FAM227A: variants seen among roughly 807,000 people sequenced by gnomAD.
The protein encoded by FAM227A is protein FAM227A.
Under a neutral mutation model 74.7 loss-of-function variants are expected in FAM227A, and 80 were observed. The ratio of observed to expected loss-of-function variants is 1.07; its 90% CI spans 0.89 to 1.29. The LOEUF (loss-of-function observed/expected upper bound fraction) is 1.29, where lower values mean the gene tolerates loss of function less well. Among genes scored for constraint, FAM227A ranks in the 50% most tolerant of loss-of-function variants. The pLI is 0.00. For missense variants in FAM227A, 654 were observed against 683.4 expected (o/e 0.96, Z 0.48); for synonymous variants, 237 against 241.8 (o/e 0.98, Z 0.19).
At chr22:38,629,559 G>A (rs1266982372) in intron 6 of FAM227A, among the ~76,000 whole-genome samples, 6 of 152,272 alleles carry the variant, frequency 3.9e-5, no homozygotes, top group Non-Finnish European at 8.8e-5. Flanking sequence ...CTACTGTATA[G>A]AAGAGGAAAG....
rs1216284490 is a variant in FAM227A, at chr22:38,580,855, T to C, written c.*5270A>G. On this transcript the variant is annotated 3_prime_UTR_variant, in exon 17 of 17. Coordinates refer to ENST00000535113, the MANE Select transcript of FAM227A (RefSeq NM_001013647.2). The stretch of plus-strand genomic sequence containing the variant: ...GTGCAGTGGTGCGATCTCAGCTCAC[T>C]GTAACCTCCGCCTCCCAAGTTCAAG... The C allele has an allele frequency of 1.3e-5, 2 of 152,246 alleles. No homozygotes were observed. Among genetic ancestry groups the C allele is most frequent in the East Asian group, 3.8e-4 (2 of 5,200 alleles). The allele number at this position is 152,246 out of a possible 1,614,324, so 9.4% of individuals were successfully genotyped here. A position where few individuals can be genotyped will look rare whatever the true frequency, so the allele number is the denominator to read the frequency against.
intron 3 of FAM227A, among the ~76,000 whole-genome samples, chr22:38,644,070 C>T (rs949067791): frequency 5.6e-5 from 8 of 141,694 alleles, no homozygotes; most frequent in Admixed American, 3.1e-4. Flanking sequence ...GGTGTGAACC[C>T]GGGAGGCAGA....
chr22:38,620,139 G>T, intron 11 of FAM227A, 73 bp downstream of exon 11: 1 of 1,050,726 alleles, frequency 9.5e-7, no homozygotes, highest in Non-Finnish European at 1.4e-6. Context: ...GGCCACTGAT[G>T]CTCCAGAAGA....
chr22:38,621,410 G>A (rs2091689046), intron 10 of FAM227A, among the ~76,000 whole-genome samples: 1 of 151,234 alleles, frequency 6.6e-6, no homozygotes, highest in African/African-American at 2.4e-5. Flanking sequence ...CTCCCTGAGT[G>A]TGCATGATGA....
Position 38,643,816 on chromosome 22 carries a change from AGAAAT to A in FAM227A, c.225+1742_225+1746del, listed in dbSNP as rs2092168254. Among the ~76,000 whole-genome samples the A allele has an allele frequency of 2.6e-5, 4 of 152,196 alleles. No individual in the cohort carries two copies. The South Asian group carries it at 6.2e-4, about 24-fold the overall frequency. On this transcript the variant is annotated intron_variant, in intron 3 of 16. Transcript: ENST00000535113. ...GACAATGGAATATTTGGCACTAAAA[AGAAAT>A]GAACTATCAAGCCATGAAAAGATGG...
At chr22:38,618,841 G>A (rs928589849) in intron 11 of FAM227A, among the ~76,000 whole-genome samples, 1 of 152,102 alleles carries the variant, frequency 6.6e-6, no homozygotes. Flanking sequence ...TGTGAAGGTA[G>A]TTGTAGACAA....
chr22:38,636,082 AG>A (rs770592620), intron 6 of FAM227A, among the ~76,000 whole-genome samples: 1 of 149,098 alleles, frequency 6.7e-6, no homozygotes, highest in Admixed American at 6.7e-5. Flanking sequence ...AAAGAAAGGA[AG>A]GAAGGAGGGA....
At chr22:38,640,510 T>G (rs998080323) in intron 3 of FAM227A, among the ~76,000 whole-genome samples, 2 of 152,002 alleles carry the variant, frequency 1.3e-5, no homozygotes, top group Non-Finnish European at 2.9e-5. Context: ...CCTACGCCCC[T>G]GAAAAGGAAG....
At chr22:38,599,976 A>G in intron 13 of FAM227A, 55 bp from the exon 14 acceptor site, 1 of 1,454,488 alleles carries the variant, frequency 6.9e-7, no homozygotes, top group Non-Finnish European at 9.2e-7. Flanking sequence ...TACAGTCTGT[A>G]TTAAGAACCA....
intron 15 of FAM227A, among the ~76,000 whole-genome samples, chr22:38,594,580 C>G (rs574033228): frequency 3.3e-5 from 5 of 152,254 alleles, no homozygotes; most frequent in Admixed American, 6.5e-5. Context: ...AACATTAATG[C>G]TGAACTGCAT....
chr22:38,620,207 C>G lies in FAM227A; in HGVS notation c.1038+5G>C, dbSNP rs1392115978. On this transcript the variant is annotated splice_donor_5th_base_variant and intron_variant, in intron 11 of 16. Transcript: ENST00000535113. Reference sequence around the variant, plus strand: ...AGGGGTCCTGGTCCGTGCCTCCCCACTTACCTGAGGGTGGTAGAATTTCCT... The same window carrying G: ...AGGGGTCCTGGTCCGTGCCTCCCCAGTTACCTGAGGGTGGTAGAATTTCCT... 1.3e-6 allele frequency: 2 copies of G among 1,549,878 alleles called. No homozygotes were observed. Among genetic ancestry groups the G allele is most frequent in the East Asian group, 4.9e-5 (2 of 40,918 alleles).
intron 14 of FAM227A, among the ~76,000 whole-genome samples, chr22:38,597,766 T>C (rs1376273006): frequency 6.6e-6 from 1 of 152,060 alleles, no homozygotes; most frequent in Non-Finnish European, 1.5e-5. Flanking sequence ...TATATAAAAA[T>C]ATTCTTGGCC....
chr22:38,609,700 T>C (rs1288164842), intron 11 of FAM227A, among the ~76,000 whole-genome samples: 2 of 152,074 alleles, frequency 1.3e-5, no homozygotes, highest in Non-Finnish European at 2.9e-5. Flanking sequence ...GTTTTTATAG[T>C]GTTGAGGTGG....
chr22:38,622,665 C>T (rs2091715217), intron 10 of FAM227A, among the ~76,000 whole-genome samples: 1 of 152,058 alleles, frequency 6.6e-6, no homozygotes, highest in South Asian at 2.1e-4. Context: ...CATTTGAGGT[C>T]AGGAGTTCAA....
At chr22:38,621,128 G>A (rs541901300) in intron 10 of FAM227A, among the ~76,000 whole-genome samples, 1 of 152,130 alleles carries the variant, frequency 6.6e-6, no homozygotes, top group South Asian at 2.1e-4. Context: ...CTTGAGCTCA[G>A]GAGTTTGAGA....
chr22:38,633,086 A>G (rs1007677029), intron 6 of FAM227A, among the ~76,000 whole-genome samples: 2 of 152,196 alleles, frequency 1.3e-5, no homozygotes, highest in Admixed American at 1.3e-4. Context: ...CAGACTCTCT[A>G]AAGCAGAGGC....
intron 11 of FAM227A, 147 bp from the exon 12 acceptor site, chr22:38,607,623 G>A (rs535835886): frequency 1.5e-6 from 1 of 650,254 alleles, no homozygotes; most frequent in Non-Finnish European, 2.7e-6. Context: ...TGCAGAACGA[G>A]ACCTTTCAGG....
At chr22:38,628,762 C>G (rs1603012056) in intron 7 of FAM227A, 72 bp downstream of exon 7, 1 of 951,772 alleles carries the variant, frequency 1.1e-6, no homozygotes, top group East Asian at 2.6e-5. Context: ...TAGCTCATGT[C>G]AAAGAGAATG....
intron 3 of FAM227A, among the ~76,000 whole-genome samples, chr22:38,644,036 A>G (rs956997599): frequency 5.5e-4 from 83 of 150,382 alleles, no homozygotes; most frequent in African/African-American, 1.9e-3. Context: ...AGTTCCAGCT[A>G]TCGGGAGGCT....
Sources: allele counts gnomAD v4.1 joint callset (sites outside exome capture counted in the v4.1 genomes callset), GRCh38; gene constraint gnomAD v4.1.1; transcripts MANE v1.5; gene names NCBI Gene and HGNC (gene_info 2026-07-23, HGNC 2026-07-21).